Variants in DCC observed in about 807,000 individuals in gnomAD.
DCC encodes the protein DCC netrin 1 receptor.
In DCC, 58 loss-of-function variants were observed where a neutral mutation model predicts 172.5. The ratio of observed to expected loss-of-function variants is 0.34; its 90% CI spans 0.27 to 0.42. The LOEUF (loss-of-function observed/expected upper bound fraction) is 0.42. DCC is among the 10% of genes least tolerant of loss of function. The probability of loss-of-function intolerance (pLI) is 1.00; values close to 1 mark genes in which losing one functional copy is unlikely to be tolerated. For missense variants in DCC, 1,740 were observed against 1,791.0 expected (o/e 0.97, Z 0.51); for synonymous variants, 709 against 644.5 (o/e 1.10, Z -1.52).
intron 1 of DCC, among the ~76,000 whole-genome samples, chr18:52,464,276 G>T (rs1335717411): frequency 6.6e-6 from 1 of 152,016 alleles, no homozygotes; most frequent in African/African-American, 2.4e-5. Context: ...AGTATCAGTG[G>T]GTAATTTATC....
In DCC at chr18:52,658,146, G is replaced by A. The variant is rs185774015; in HGVS notation, c.92-93908G>A. Among the ~76,000 whole-genome samples the A allele has an allele frequency of 4.1e-3, 626 of 152,314 alleles. 6 individuals are homozygous for A. The highest frequency in any genetic ancestry group is 6.9e-3 in the Non-Finnish European group (466 of 68,024). On this transcript the variant is annotated intron_variant, in intron 1 of 28. Coordinates refer to ENST00000442544, the MANE Select transcript of DCC (RefSeq NM_005215.4). ...TTTTGGATTATCTATCACAAATGAA[G>A]GGAAAGCTGAGTAATTTTTAATGTC...
chr18:53,381,917 C>T (rs994494469), intron 15 of DCC, among the ~76,000 whole-genome samples: 2 of 151,920 alleles, frequency 1.3e-5, no homozygotes, highest in Admixed American at 6.6e-5. Context: ...CTGGGACTAC[C>T]TTCCATACAC....
intron 1 of DCC, among the ~76,000 whole-genome samples, chr18:52,682,200 T>C (rs1312711190): frequency 6.6e-6 from 1 of 152,098 alleles, no homozygotes; most frequent in East Asian, 1.9e-4. Context: ...TGTAAAACAC[T>C]GAATGGTTTT....
chr18:53,460,292 T>C (rs1222627914), intron 24 of DCC, among the ~76,000 whole-genome samples: 42 of 143,184 alleles, frequency 2.9e-4, no homozygotes, highest in Non-Finnish European at 5.1e-4. Context: ...TTTTTTTTTT[T>C]TTTTTTTTTT....
At chr18:53,514,570 A>C (rs1349894208) in intron 27 of DCC, among the ~76,000 whole-genome samples, 1 of 152,136 alleles carries the variant, frequency 6.6e-6, no homozygotes, top group African/African-American at 2.4e-5. Context: ...ATAAAGAAAA[A>C]AAGAGAGAAG....
chr18:52,507,343 G>A (rs925434282), intron 1 of DCC, among the ~76,000 whole-genome samples: 1 of 152,108 alleles, frequency 6.6e-6, no homozygotes, highest in Non-Finnish European at 1.5e-5. Context: ...CACAGTGCTT[G>A]TAAGTGTATT....
intron 9 of DCC, among the ~76,000 whole-genome samples, chr18:53,186,475 G>A (rs1020116288): frequency 2.0e-5 from 3 of 152,142 alleles, no homozygotes; most frequent in Non-Finnish European, 2.9e-5. Flanking sequence ...CTACTCCAAG[G>A]ACATGAGCTG....
intron 5 of DCC, among the ~76,000 whole-genome samples, chr18:52,991,960 A>C (rs2041400186): frequency 6.6e-6 from 1 of 152,226 alleles, no homozygotes. Flanking sequence ...TTACCATAGA[A>C]GTCTGCAAGG....
At position 52,752,241 on chromosome 18, in the gene DCC, A is replaced by G. The variant is rs748201800; in HGVS notation, c.279A>G (p.Ser93=). The G allele has an allele frequency of 7.4e-6, 12 of 1,614,082 alleles. No homozygotes were observed. The East Asian group carries it at 2.7e-4, about 36-fold the overall frequency. ...TGGATGAAAGGAAGCAGCAACTTTC[A>G]AATGGGTCTCTGCTGATACAAAACA... ...LGMDERKQQL[S]NGSLLIQNIL... Residue 93 remains serine (S), a synonymous_variant, in exon 2 of 29, where the codon TCA becomes TCG. Transcript: ENST00000442544.
intron 7 of DCC, among the ~76,000 whole-genome samples, chr18:53,125,211 T>C (rs2043537981): frequency 6.6e-6 from 1 of 152,092 alleles, no homozygotes; most frequent in African/African-American, 2.4e-5. Flanking sequence ...GTATGGATTT[T>C]ACCGAAATAA....
chr18:53,021,572 A>G, intron 5 of DCC, among the ~76,000 whole-genome samples: 1 of 151,498 alleles, frequency 6.6e-6, no homozygotes. Flanking sequence ...GTGTGTGTGC[A>G]TGTGTATGTG....
In DCC at chr18:53,089,318, T is replaced by C. The variant is rs139654325; in HGVS notation, c.1261+23152T>C. ...CCAGGCTGGCTTTGAATTCCTGACC[T>C]CAAATGATCTTCCCACCTCGGCCTC... On this transcript the variant is annotated intron_variant, in intron 7 of 28. Transcript: ENST00000442544. Among the ~76,000 whole-genome samples the C allele has an allele frequency of 2.1e-3, 319 of 152,182 alleles. 3 individuals carry two copies. Among genetic ancestry groups the C allele is most frequent in the Middle Eastern group, 3.4e-3 (1 of 294 alleles).
Position 53,207,778 on chromosome 18 carries a change from G to A in DCC, c.1822G>A (p.Val608Ile), listed in dbSNP as rs764767977. The A allele has an allele frequency of 2.0e-5, 33 of 1,613,292 alleles. No individual in the cohort carries two copies. Among genetic ancestry groups the A allele is most frequent in the African/African-American group, 6.7e-5 (5 of 74,998 alleles). Residue 608 changes from valine (V) to isoleucine (I), a missense_variant, in exon 11 of 29, where the codon GTC (valine) becomes ATC (isoleucine). Transcript: ENST00000442544. ...AGCTTATAATCGCTATGGTCCGGGC[G>A]TCTCTACTGATGATATAACAGTGGT... ...FLAYNRYGPG[V>I]STDDITVVTL... is the part of the protein sequence containing the mutation.
At chr18:52,883,656 T>G (rs2039527765) in intron 2 of DCC, among the ~76,000 whole-genome samples, 2 of 152,042 alleles carry the variant, frequency 1.3e-5, no homozygotes, top group Admixed American at 6.6e-5. Context: ...TTATTGTACT[T>G]ATTGTACTCT....
intron 7 of DCC, among the ~76,000 whole-genome samples, chr18:53,081,093 A>G (rs890703145): frequency 6.6e-6 from 1 of 152,108 alleles, no homozygotes; most frequent in Non-Finnish European, 1.5e-5. Context: ...AAATATCAGA[A>G]GGTAAAAACT....
intron 1 of DCC, among the ~76,000 whole-genome samples, chr18:52,686,351 T>C (rs2035834651): frequency 6.6e-6 from 1 of 152,166 alleles, no homozygotes; most frequent in Non-Finnish European, 1.5e-5. Context: ...AACAGAACTC[T>C]ACATGACTGG....
chr18:52,546,473 C>G (rs2032620240), intron 1 of DCC, among the ~76,000 whole-genome samples: 1 of 152,044 alleles, frequency 6.6e-6, no homozygotes, highest in African/African-American at 2.4e-5. Context: ...CAGACAACAC[C>G]TACTTACCTC....
In DCC at chr18:53,353,382, C is replaced by T. The variant is rs370507664; in HGVS notation, c.2359+13475C>T. Among the ~76,000 whole-genome samples the T allele has an allele frequency of 9.5e-4, 142 of 150,142 alleles. 1 individual carries two copies. The highest frequency in any genetic ancestry group is 3.1e-3 in the African/African-American group (126 of 40,880). ...TATATTCAACAAGAAAATGCTAAAG[C>T]TATTTCATTAAAACCTGAGCTAAGA... is the stretch of plus-strand genomic sequence containing the variant. On this transcript the variant is annotated intron_variant, in intron 15 of 28. Coordinates refer to ENST00000442544, the MANE Select transcript of DCC (RefSeq NM_005215.4).
chr18:52,478,562 G>T (rs550597072), intron 1 of DCC, among the ~76,000 whole-genome samples: 1 of 152,148 alleles, frequency 6.6e-6, no homozygotes, highest in African/African-American at 2.4e-5. Context: ...AAGAAAAAAG[G>T]CTTTATTCGC....
Sources: gnomAD v4.1 joint callset for allele counts (sites outside exome capture counted in the v4.1 genomes callset) on GRCh38, gnomAD v4.1.1 for gene constraint, MANE v1.5 for transcripts, NCBI Gene and HGNC (gene_info 2026-07-23, HGNC 2026-07-21) for gene names.